PARD3B: variants seen among roughly 807,000 people sequenced by gnomAD.
PARD3B encodes par-3 family cell polarity regulator beta, also known as partitioning defective 3 homolog B.
Under a neutral mutation model 130.2 loss-of-function variants are expected in PARD3B, and 103 were observed. That is an observed-to-expected ratio of 0.79 (90% CI 0.67 to 0.93). The LOEUF (loss-of-function observed/expected upper bound fraction) is 0.93, where lower values mean the gene tolerates loss of function less well. Ranked by LOEUF, PARD3B falls within the 40% of genes least tolerant of loss-of-function variation. The pLI, the probability that PARD3B is intolerant of heterozygous loss-of-function variation, is 0.00. For synonymous variants in PARD3B, 583 were observed against 553.2 expected (o/e 1.05, Z -0.76); for missense variants, 1,609 against 1,499.2 (o/e 1.07, Z -1.21).
chr2:205,149,696 A>T (rs1301453110), intron 10 of PARD3B, among the ~76,000 whole-genome samples: 1 of 152,178 alleles, frequency 6.6e-6, no homozygotes, highest in Non-Finnish European at 1.5e-5. Flanking sequence ...ACTTGGAAAC[A>T]TATGAACAGG....
At chr2:205,599,039 A>G (rs941447143) in intron 22 of PARD3B, among the ~76,000 whole-genome samples, 1 of 152,132 alleles carries the variant, frequency 6.6e-6, no homozygotes, top group African/African-American at 2.4e-5. Flanking sequence ...TAACAACCTA[A>G]TATCACACCT....
chr2:205,187,283 A>G lies in PARD3B; in HGVS notation c.2024+1420A>G, dbSNP rs2036156269. Among the ~76,000 whole-genome samples, 2 of 152,212 alleles carry G rather than the reference A, an allele frequency of 1.3e-5. No homozygotes were observed. Among genetic ancestry groups the G allele is most frequent in the Admixed American group, 1.3e-4 (2 of 15,278 alleles). ...AGAAGAAACAGCATAGAGACGGGAG[A>G]GTAAATTGAATTGTACAAGGTGGAG... On this transcript the variant is annotated intron_variant, in intron 14 of 22. Transcript: ENST00000406610. This position sits in a 1 kb window ranked among gnomAD's most constrained non-coding sequence, Gnocchi z 4.9.
chr2:204,712,412 A>G (rs1449902705), intron 2 of PARD3B, among the ~76,000 whole-genome samples: 2 of 151,994 alleles, frequency 1.3e-5, no homozygotes, highest in Non-Finnish European at 2.9e-5. Flanking sequence ...GGAGTTTGAG[A>G]CCAGCCTGGC....
rs1002374354 is a variant in PARD3B at position 205,558,490 on chromosome 2, AAC to A, written c.3260+5089_3260+5090del. ...AATTGACTCTTGTATGTCAGAGAAA[AAC>A]AAAGACCCTTGGCTCAACCCTCCTT... On this transcript the variant is annotated intron_variant, in intron 22 of 22. Coordinates refer to ENST00000406610, the MANE Select transcript of PARD3B (RefSeq NM_001302769.2). This position sits in a 1 kb window ranked among gnomAD's most constrained non-coding sequence, Gnocchi z 4.8. 6.6e-6 allele frequency among the ~76,000 whole-genome samples: 1 copy of A among 152,136 alleles called. No homozygotes were observed. The highest frequency in any genetic ancestry group is 2.4e-5 in the African/African-American group (1 of 41,412).
In PARD3B at chr2:205,300,481, C is replaced by A; in HGVS notation, c.2186-49C>A. 1 of 1,478,178 alleles carries A rather than the reference C, an allele frequency of 6.8e-7. No homozygotes were observed. The allele number at this position is 1,478,178 out of a possible 1,614,324, so 91.6% of individuals were successfully genotyped here. ...TATTCTTAGAACAATAGCATTACACCACACTGCCCCATTAGAAGAGGGGTG... is the reference window on the plus strand; with the variant it reads ...TATTCTTAGAACAATAGCATTACACAACACTGCCCCATTAGAAGAGGGGTG... On this transcript the variant is annotated intron_variant, in intron 16 of 22. Transcript: ENST00000406610. This position sits in a 1 kb window ranked among gnomAD's most constrained non-coding sequence, Gnocchi z 4.1.
At position 205,168,288 on chromosome 2, in the gene PARD3B, G is replaced by GGA. The variant is rs761018109; in HGVS notation, c.1621-3891_1621-3890dup. On this transcript the variant is annotated intron_variant, in intron 11 of 22. Transcript: ENST00000406610. ...AGAGGAAGAAAAAGGGGTGAGAAAGGGAGAGAGAGAGAGAGAGAGAGAGAG... is the reference window on the plus strand; with the variant it reads ...AGAGGAAGAAAAAGGGGTGAGAAAGGGAGAGAGAGAGAGAGAGAGAGAGAGAG... Among the ~76,000 whole-genome samples the GGA allele has an allele frequency of 3.2e-3, 405 of 126,896 alleles. 3 individuals are homozygous for GGA. The highest frequency in any genetic ancestry group is 0.016 in the Middle Eastern group (4 of 244). The allele number at this position is 126,896 out of a possible 152,430, so 83.2% of individuals were successfully genotyped here. A position where few individuals can be genotyped will look rare whatever the true frequency, so the allele number is the denominator to read the frequency against.
chr2:205,538,372 A>G (rs1356581081), intron 21 of PARD3B, among the ~76,000 whole-genome samples: 2 of 152,202 alleles, frequency 1.3e-5, no homozygotes, highest in East Asian at 1.9e-4. Context: ...GAGGATGACA[A>G]TGATGACTGT....
intron 18 of PARD3B, among the ~76,000 whole-genome samples, chr2:205,315,108 C>A (rs1416382013): frequency 6.6e-6 from 1 of 152,078 alleles, no homozygotes; most frequent in African/African-American, 2.4e-5. Context: ...GCATAGCTAC[C>A]AATCATTCGT....
chr2:205,344,194 TTGTGTGTG>T (rs1553681141), intron 18 of PARD3B, among the ~76,000 whole-genome samples: 4 of 140,958 alleles, frequency 2.8e-5, no homozygotes, highest in African/African-American at 5.2e-5. Flanking sequence ...GTCAGTTGGT[TTGTGTGTG>T]TGTGTGTGTG....
At chr2:205,437,711 A>T (rs570300135) in intron 19 of PARD3B, among the ~76,000 whole-genome samples, 4 of 152,300 alleles carry the variant, frequency 2.6e-5, no homozygotes, top group African/African-American at 9.6e-5. Flanking sequence ...AGGATACCCA[A>T]GAGGTGTTAT....
intron 18 of PARD3B, among the ~76,000 whole-genome samples, chr2:205,314,936 C>T (rs996129612): frequency 1.3e-5 from 2 of 152,190 alleles, no homozygotes; most frequent in African/African-American, 4.8e-5. Context: ...CGTCAGTCAA[C>T]AATCTTGATA....
chr2:205,096,019 C>T (rs1299177269), intron 4 of PARD3B, among the ~76,000 whole-genome samples: 1 of 151,970 alleles, frequency 6.6e-6, no homozygotes, highest in Non-Finnish European at 1.5e-5. Context: ...TAGATTTATT[C>T]CTCAAAAGTT....
intron 20 of PARD3B, among the ~76,000 whole-genome samples, chr2:205,450,565 C>T (rs1232518745): frequency 6.6e-6 from 1 of 150,426 alleles, no homozygotes; most frequent in Non-Finnish European, 1.5e-5. Flanking sequence ...CCTCCGCCTC[C>T]CAGGTTCAAG....
At chr2:205,224,101 G>A (rs2125878097) in intron 15 of PARD3B, among the ~76,000 whole-genome samples, 1 of 149,524 alleles carries the variant, frequency 6.7e-6, no homozygotes, top group East Asian at 2.0e-4. Context: ...CAGGCACGGT[G>A]GCTCACACCT....
At position 205,125,464 on chromosome 2, in the gene PARD3B, G is replaced by T. The variant is rs566403745; in HGVS notation, c.1306-145G>T. On this transcript the variant is annotated intron_variant, in intron 9 of 22. Transcript: ENST00000406610. The surrounding 1 kb of genome is among the most constrained non-coding windows in gnomAD (Gnocchi z 4.0). ...GATGCATTATGGGAAATATTGTTGG[G>T]TTTTGCCCATGTATTTAGTTATCAT... 2.5e-5 allele frequency: 21 copies of T among 837,952 alleles called. No individual in the cohort carries two copies. The highest frequency in any genetic ancestry group is 3.6e-5 in the Non-Finnish European group (20 of 553,394). 51.9% of individuals were successfully genotyped at this position (837,952 alleles called of 1,614,324 possible). A position where few individuals can be genotyped will look rare whatever the true frequency, so the allele number is the denominator to read the frequency against.
intron 15 of PARD3B, among the ~76,000 whole-genome samples, chr2:205,217,963 G>A (rs1280722060): frequency 6.9e-6 from 1 of 144,562 alleles, no homozygotes; most frequent in Non-Finnish European, 1.5e-5. Context: ...TGGTACAATG[G>A]CTCACTGCAA....
intron 2 of PARD3B, among the ~76,000 whole-genome samples, chr2:204,696,983 C>T (rs1176084219): frequency 6.6e-6 from 1 of 152,022 alleles, no homozygotes; most frequent in African/African-American, 2.4e-5. Flanking sequence ...TTGAAATACA[C>T]ATGTTTATAC....
At chr2:204,825,554 G>C (rs1365693779) in intron 2 of PARD3B, among the ~76,000 whole-genome samples, 2 of 152,204 alleles carry the variant, frequency 1.3e-5, no homozygotes, top group Non-Finnish European at 2.9e-5. Context: ...CAACTTCTTT[G>C]CGAGCTCTTT....
At chr2:204,561,952 G>A (rs1207751440) in intron 1 of PARD3B, among the ~76,000 whole-genome samples, 2 of 152,042 alleles carry the variant, frequency 1.3e-5, no homozygotes, top group Non-Finnish European at 2.9e-5. Context: ...TCAAACAATG[G>A]CAAGGGATTG....
Sources: gnomAD v4.1 joint callset for allele counts (sites outside exome capture counted in the v4.1 genomes callset) on GRCh38, gnomAD v4.1.1 for gene constraint, Gnocchi (gnomAD v3.1) non-coding constraint, MANE v1.5 for transcripts, NCBI Gene and HGNC (gene_info 2026-07-23, HGNC 2026-07-21) for gene names.